RIMKLB: variants seen among roughly 807,000 people sequenced by gnomAD.
RIMKLB encodes beta-citrylglutamate synthase B.
A neutral mutation model predicts 32.0 loss-of-function variants in RIMKLB; 7 were observed. That is an observed-to-expected ratio of 0.22 (90% confidence interval 0.12 to 0.41). RIMKLB has a LOEUF of 0.41. Ranked by LOEUF, RIMKLB falls within the 10% of genes least tolerant of loss-of-function variation. RIMKLB has a pLI of 1.00. For missense variants in RIMKLB, 289 were observed against 498.7 expected, an observed-to-expected ratio of 0.58 and a Z score of 4.00; for synonymous variants, 172 against 185.1, an observed-to-expected ratio of 0.93 and a Z score of 0.57.
intron 2 of RIMKLB, among the ~76,000 whole-genome samples, chr12:8,728,841 TG>T (rs1179390480): frequency 2.6e-5 from 4 of 152,196 alleles, no homozygotes; most frequent in African/African-American, 9.6e-5. Context: ...TTTGCCATTT[TG>T]CCCAGGCTGG....
At chr12:8,673,099 C>A in the RIMKLB span, among the ~76,000 whole-genome samples, 1 of 152,216 alleles carries the variant, frequency 6.6e-6, no homozygotes, top group African/African-American at 2.4e-5. Flanking sequence ...CCAGGCTAGT[C>A]TTGAACTCCT....
rs61375386 is a variant in RIMKLB at position 8,749,445 on chromosome 12, G to A, written c.176-417G>A. On this transcript the variant is annotated intron_variant, in intron 2 of 5. Coordinates refer to ENST00000535829, the MANE Select transcript of RIMKLB (RefSeq NM_001297776.2). The stretch of plus-strand genomic sequence containing the variant: ...AGGATGGCCTTGATCTCTTGACCTC[G>A]TGATCCACCCACCTTGGCATCCCAA... Among the ~76,000 whole-genome samples, 356 of 152,258 alleles carry A rather than the reference G, an allele frequency of 2.3e-3. 4 individuals are homozygous for A. Among genetic ancestry groups the A allele is most frequent in the African/African-American group, 8.3e-3 (344 of 41,560 alleles).
chr12:8,754,567 T>A (rs1948865958), intron 5 of RIMKLB, among the ~76,000 whole-genome samples: 1 of 152,214 alleles, frequency 6.6e-6, no homozygotes, highest in Admixed American at 6.5e-5. Flanking sequence ...CTTCTCTGTT[T>A]ATATCACTTC....
chr12:8,745,199 T>G (rs2137600638), intron 2 of RIMKLB, among the ~76,000 whole-genome samples: 1 of 152,054 alleles, frequency 6.6e-6, no homozygotes, highest in Admixed American at 6.5e-5. Context: ...TTTGCCCACC[T>G]CAGCTTCCTA....
chr12:8,753,100 T>C (rs1354795634), intron 4 of RIMKLB, among the ~76,000 whole-genome samples: 1 of 152,140 alleles, frequency 6.6e-6, no homozygotes, highest in Non-Finnish European at 1.5e-5. Context: ...CAGTGACATA[T>C]TTTGTGTTTC....
chr12:8,760,826 A>G (rs1053731693), intron 5 of RIMKLB, among the ~76,000 whole-genome samples: 1 of 152,140 alleles, frequency 6.6e-6, no homozygotes, highest in Non-Finnish European at 1.5e-5. Context: ...AGTTCTTTGT[A>G]GATTCTGGAT....
intron 1 of RIMKLB, among the ~76,000 whole-genome samples, chr12:8,692,003 GT>G (rs148856997): frequency 1.4e-4 from 21 of 149,630 alleles, no homozygotes; most frequent in East Asian, 7.9e-4. Context: ...CCAAGAGAGG[GT>G]TTTTTTTTTC....
upstream of RIMKLB, among the ~76,000 whole-genome samples, chr12:8,680,155 C>A (rs1250306876): frequency 1.3e-5 from 2 of 152,102 alleles, no homozygotes; most frequent in Admixed American, 1.3e-4. Context: ...CATAAATAAG[C>A]CACGCCTTAT....
chr12:8,778,416 A>T (rs1950858062), downstream of RIMKLB, among the ~76,000 whole-genome samples: 3 of 152,106 alleles, frequency 2.0e-5, no homozygotes, highest in South Asian at 4.1e-4. Flanking sequence ...TCGTTTTAGC[A>T]TTTCTAAGAT....
At chr12:8,689,767 A>G (rs2136565806) in intron 1 of RIMKLB, among the ~76,000 whole-genome samples, 1 of 152,192 alleles carries the variant, frequency 6.6e-6, no homozygotes, top group Middle Eastern at 3.4e-3. Flanking sequence ...GAGGTGGGGA[A>G]TGAGGCCTGG....
intron 1 of RIMKLB, among the ~76,000 whole-genome samples, chr12:8,688,541 T>A (rs1487997974): frequency 6.6e-6 from 1 of 152,238 alleles, no homozygotes; most frequent in Non-Finnish European, 1.5e-5. Flanking sequence ...ATACTTTTAG[T>A]TCTCCTGGTA....
chr12:8,777,215 CTTTTTTTT>C (rs35828763), downstream of RIMKLB: 371 of 703,886 alleles, frequency 5.3e-4, 1 homozygote, highest in African/African-American at 2.4e-3. Context: ...TGCTTGCTTT[CTTTTTTTT>C]TTTTTTTTTT....
rs1950594787 is a variant in RIMKLB at position 8,774,120 on chromosome 12, T to C, written c.*336T>C. On this transcript the variant is annotated 3_prime_UTR_variant, in exon 6 of 6. Transcript: ENST00000535829. ...TCATGGTCCCTTGCTTTTGTTTTTG[T>C]ACAAAAAAAAATGGTTTTGCTACAA... The C allele has an allele frequency of 1.1e-5, 11 of 1,031,360 alleles. No homozygotes were observed. Among genetic ancestry groups the C allele is most frequent in the Non-Finnish European group, 1.3e-5 (11 of 859,394 alleles). 63.9% of individuals were successfully genotyped at this position (1,031,360 alleles called of 1,614,324 possible). A position where few individuals can be genotyped will look rare whatever the true frequency, so the allele number is the denominator to read the frequency against.
At chr12:8,690,035 C>T (rs1343492956) in intron 1 of RIMKLB, among the ~76,000 whole-genome samples, 4 of 152,172 alleles carry the variant, frequency 2.6e-5, no homozygotes, top group African/African-American at 9.7e-5. Flanking sequence ...CATGTTTTCT[C>T]CACTAAACTC....
rs929676587 is a variant in RIMKLB, at chr12:8,761,548, G to A, written c.697+7455G>A. On this transcript the variant is annotated intron_variant, in intron 5 of 5. Coordinates refer to ENST00000535829, the MANE Select transcript of RIMKLB (RefSeq NM_001297776.2). ...GCCCCTCCCCCTGTGCTCTTCAGGC[G>A]ATAATATGATTTGACTATTTCTTTA... Among the ~76,000 whole-genome samples the A allele has an allele frequency of 1.8e-4, 28 of 152,076 alleles. 1 individual carries two copies. The highest frequency in any genetic ancestry group is 6.0e-4 in the African/African-American group (25 of 41,386).
intron 1 of RIMKLB, chr12:8,700,144 C>G (rs752613955): frequency 1.3e-5 from 2 of 152,176 alleles, no homozygotes; most frequent in East Asian, 1.9e-4. Flanking sequence ...CTTTTCCTCT[C>G]CAGAGGGAAA....
At chr12:8,705,817 A>G (rs2136798762) in intron 1 of RIMKLB, among the ~76,000 whole-genome samples, 1 of 152,328 alleles carries the variant, frequency 6.6e-6, no homozygotes, top group East Asian at 1.9e-4. Flanking sequence ...GGAGACCAGC[A>G]GACTGGCAAC....
intron 2 of RIMKLB, among the ~76,000 whole-genome samples, chr12:8,721,292 C>T (rs942165936): frequency 1.3e-5 from 2 of 152,118 alleles, no homozygotes; most frequent in African/African-American, 4.8e-5. Flanking sequence ...GAAATTTGCC[C>T]CATTGACATT....
At chr12:8,726,429 A>G (rs1241539317) in intron 2 of RIMKLB, among the ~76,000 whole-genome samples, 1 of 152,062 alleles carries the variant, frequency 6.6e-6, no homozygotes. Context: ...ATCCCTTTGT[A>G]TATTTTACAT....
Sources: allele counts gnomAD v4.1 joint callset (sites outside exome capture counted in the v4.1 genomes callset), GRCh38; gene constraint gnomAD v4.1.1; transcripts MANE v1.5; gene names NCBI Gene and HGNC (gene_info 2026-07-23, HGNC 2026-07-21).